Variants in MBOAT2 observed in about 807,000 individuals in gnomAD.
MBOAT2 encodes the protein membrane-bound glycerophospholipid O-acyltransferase 2.
A neutral mutation model predicts 63.4 loss-of-function variants in MBOAT2; 28 were observed. The ratio of observed to expected loss-of-function variants is 0.44; its 90% CI spans 0.33 to 0.61. The LOEUF is 0.61. Ranked by LOEUF, MBOAT2 falls within the 20% of genes least tolerant of loss-of-function variation. MBOAT2 has a pLI of 0.03. For missense variants in MBOAT2, 470 were observed against 605.8 expected (o/e 0.78, Z 2.35); for synonymous variants, 211 against 215.6 (o/e 0.98, Z 0.19).
chr2:8,954,573 A>G (rs1669076953), intron 2 of MBOAT2, among the ~76,000 whole-genome samples: 1 of 152,086 alleles, frequency 6.6e-6, no homozygotes, highest in African/African-American at 2.4e-5. Flanking sequence ...CTACACAGGA[A>G]TGGGAGATGG....
At chr2:8,916,479 G>C (rs1362743174) in intron 3 of MBOAT2, among the ~76,000 whole-genome samples, 2 of 152,202 alleles carry the variant, frequency 1.3e-5, no homozygotes, top group Non-Finnish European at 2.9e-5. Flanking sequence ...TTACGTGTTG[G>C]ATATAGAGTG....
intron 4 of MBOAT2, among the ~76,000 whole-genome samples, chr2:8,888,463 A>G (rs1025479495): frequency 1.3e-5 from 2 of 152,098 alleles, no homozygotes; most frequent in Admixed American, 1.3e-4. Context: ...TCTTCAACAT[A>G]TCATGGACAG....
chr2:8,956,440 C>G (rs1669228676), intron 2 of MBOAT2, among the ~76,000 whole-genome samples: 1 of 152,120 alleles, frequency 6.6e-6, no homozygotes, highest in African/African-American at 2.4e-5. Context: ...GTGGCTCATA[C>G]CTGTAATCCC....
intron 6 of MBOAT2, among the ~76,000 whole-genome samples, chr2:8,880,848 T>A (rs766497056): frequency 2.7e-4 from 41 of 152,264 alleles, no homozygotes; most frequent in Non-Finnish European, 4.4e-4. Context: ...CGGCCAAGAT[T>A]AAGGGCAATC....
intron 1 of MBOAT2, among the ~76,000 whole-genome samples, chr2:8,982,218 A>C (rs1333320016): frequency 2.0e-5 from 3 of 152,192 alleles, no homozygotes; most frequent in African/African-American, 7.2e-5. Flanking sequence ...AGACATATTT[A>C]CAGCATAGGA....
chr2:8,896,079 T>C (rs895499461), intron 4 of MBOAT2, among the ~76,000 whole-genome samples: 1 of 151,230 alleles, frequency 6.6e-6, no homozygotes, highest in South Asian at 2.1e-4. Context: ...CTACTAAAAA[T>C]GCAAAAAAAA....
At position 8,859,306 on chromosome 2, in the gene MBOAT2, C is replaced by A. The variant is rs372479450; in HGVS notation, c.1338-402G>T. Among the ~76,000 whole-genome samples, 115 of 152,288 alleles carry A rather than the reference C, an allele frequency of 7.6e-4. 2 individuals are homozygous for A. Among genetic ancestry groups the A allele is most frequent in the African/African-American group, 2.7e-3 (114 of 41,548 alleles). On this transcript the variant is annotated intron_variant, in intron 12 of 12. Coordinates refer to ENST00000305997, the MANE Select transcript of MBOAT2 (RefSeq NM_138799.4). ...TAAGACTTTTACCAGTCTGGCCTCACCTGCTATTTACTGTCTCTAAGTTAC... is the reference window on the plus strand; with the variant it reads ...TAAGACTTTTACCAGTCTGGCCTCAACTGCTATTTACTGTCTCTAAGTTAC...
At chr2:8,922,639 C>T (rs1044423513) in intron 3 of MBOAT2, among the ~76,000 whole-genome samples, 1 of 152,184 alleles carries the variant, frequency 6.6e-6, no homozygotes, top group Non-Finnish European at 1.5e-5. Context: ...AATGATTAGT[C>T]GGAGCTTATG....
Position 8,855,853 on chromosome 2 carries a change from C to T in MBOAT2, c.*2826G>A, listed in dbSNP as rs546495086. 3 of 152,176 alleles carry T rather than the reference C, an allele frequency of 2.0e-5. No individual in the cohort carries two copies. The highest frequency in any genetic ancestry group is 7.2e-5 in the African/African-American group (3 of 41,516). 9.4% of individuals were successfully genotyped at this position (152,176 alleles called of 1,614,324 possible). A position where few individuals can be genotyped will look rare whatever the true frequency, so the allele number is the denominator to read the frequency against. Reference sequence around the variant, plus strand: ...TGATTGATCATCTCTAGAGTGATTTCATGATACCTGAATAGTGGAAAATAT... The same window carrying T: ...TGATTGATCATCTCTAGAGTGATTTTATGATACCTGAATAGTGGAAAATAT... On this transcript the variant is annotated 3_prime_UTR_variant, in exon 13 of 13. Transcript: ENST00000305997.
In MBOAT2 at chr2:8,868,598, T is replaced by G. The variant is rs751377040; in HGVS notation, c.884-49A>C. 9 of 1,416,362 alleles carry G rather than the reference T, an allele frequency of 6.4e-6. No individual in the cohort carries two copies. The Admixed American group carries it at 1.6e-4, about 26-fold the overall frequency. 87.7% of individuals were successfully genotyped at this position (1,416,362 alleles called of 1,614,324 possible). ...AAGTATTAAGAATCTCCATAACAAT[T>G]TACCATATTCTCCCAGAAGGTATGT... On this transcript the variant is annotated intron_variant, in intron 8 of 12. Coordinates refer to ENST00000305997, the MANE Select transcript of MBOAT2 (RefSeq NM_138799.4).
chr2:8,876,682 T>G (rs924405108), intron 7 of MBOAT2, among the ~76,000 whole-genome samples: 2 of 130,140 alleles, frequency 1.5e-5, no homozygotes, highest in Non-Finnish European at 3.3e-5. Flanking sequence ...AAGAAAGAAA[T>G]AAGAAAGAAA....
chr2:8,949,310 T>G (rs2103253713), intron 2 of MBOAT2, among the ~76,000 whole-genome samples: 1 of 152,338 alleles, frequency 6.6e-6, no homozygotes, highest in Middle Eastern at 3.4e-3. Flanking sequence ...ACAGTTTCTT[T>G]TGCTGTGCAG....
intron 4 of MBOAT2, among the ~76,000 whole-genome samples, chr2:8,900,091 G>A (rs571824597): frequency 7.4e-4 from 113 of 152,190 alleles, no homozygotes; most frequent in African/African-American, 2.6e-3. Context: ...CCTGAGTTAC[G>A]GTGGACAACA....
chr2:8,905,644 A>C (rs1665274758), intron 4 of MBOAT2, among the ~76,000 whole-genome samples: 1 of 152,020 alleles, frequency 6.6e-6, no homozygotes, highest in South Asian at 2.1e-4. Flanking sequence ...ATCACACACC[A>C]GGGCCTGTTG....
At chr2:8,878,666 T>C (rs1019497792) in intron 6 of MBOAT2, among the ~76,000 whole-genome samples, 13 of 152,250 alleles carry the variant, frequency 8.5e-5, no homozygotes, top group African/African-American at 3.1e-4. Flanking sequence ...TTATTTTTCT[T>C]TGATAAATTA....
chr2:8,882,663 T>A, intron 5 of MBOAT2, 98 bp from the exon 6 acceptor site: 1 of 1,031,306 alleles, frequency 9.7e-7, no homozygotes, highest in Non-Finnish European at 1.5e-6. Context: ...TTGAAATTCA[T>A]GCTATTATAT....
chr2:8,938,512 T>C (rs535001645), intron 3 of MBOAT2, among the ~76,000 whole-genome samples: 95 of 150,984 alleles, frequency 6.3e-4, no homozygotes, highest in Non-Finnish European at 1.3e-3. Flanking sequence ...CGCCACATTT[T>C]ATGCTGCCAC....
At chr2:8,915,873 C>T (rs1487978611) in intron 3 of MBOAT2, among the ~76,000 whole-genome samples, 1 of 152,190 alleles carries the variant, frequency 6.6e-6, no homozygotes, top group Middle Eastern at 3.2e-3. Flanking sequence ...TATCCTTCTG[C>T]ATCCTGGTTC....
At position 9,003,168 on chromosome 2, in the gene MBOAT2, C is replaced by T. The variant is rs1573304060; in HGVS notation, c.75+372G>A. Among the ~76,000 whole-genome samples the T allele has an allele frequency of 6.6e-6, 1 of 152,156 alleles. No individual in the cohort carries two copies. The highest frequency in any genetic ancestry group is 2.4e-5 in the African/African-American group (1 of 41,446). ...AGCCTTCCGCACCCTTTCCACAACC[C>T]GGTCCATGCGCACCGGGGGCTGCTC... On this transcript the variant is annotated intron_variant, in intron 1 of 12. Transcript: ENST00000305997. The surrounding 1 kb of genome is among the most constrained non-coding windows in gnomAD (Gnocchi z 5.4).
Sources: allele counts gnomAD v4.1 joint callset (sites outside exome capture counted in the v4.1 genomes callset), GRCh38; gene constraint gnomAD v4.1.1; non-coding constraint Gnocchi (gnomAD v3.1); transcripts MANE v1.5; gene names NCBI Gene and HGNC (gene_info 2026-07-23, HGNC 2026-07-21).